The following PLA2G4C variants were observed in gnomAD, a reference collection of about 807,000 sequenced individuals.
PLA2G4C encodes the protein phospholipase A2 group IVC.
A neutral mutation model predicts 73.8 loss-of-function variants in PLA2G4C; 64 were observed. That is an observed-to-expected ratio of 0.87 (90% confidence interval 0.71 to 1.07). PLA2G4C has a LOEUF of 1.07. Ranked by LOEUF, PLA2G4C falls within the 50% of genes least tolerant of loss-of-function variation. The pLI is 0.00. For synonymous variants in PLA2G4C, 254 were observed against 252.1 expected (o/e 1.01, Z -0.07); for missense variants, 622 against 665.4 (o/e 0.93, Z 0.72).
At chr19:48,105,829 C>G in intron 2 of PLA2G4C, among the ~76,000 whole-genome samples, 1 of 55,976 alleles carries the variant, frequency 1.8e-5, no homozygotes, top group Non-Finnish European at 3.3e-5. Flanking sequence ...TCCCCTCCCT[C>G]CCTCCCTCCC....
At position 48,110,560 on chromosome 19, in the gene PLA2G4C, C is replaced by CTCCGGAATCCGGTGCGGAGGCTTGGGCT. The variant is rs1156240478; in HGVS notation, c.-107_-106insAGCCCAAGCCTCCGCACCGGATTCCGGA. The CTCCGGAATCCGGTGCGGAGGCTTGGGCT allele has an allele frequency of 6.8e-7, 1 of 1,475,630 alleles. No individual in the cohort carries two copies. Among genetic ancestry groups the CTCCGGAATCCGGTGCGGAGGCTTGGGCT allele is most frequent in the African/African-American group, 1.5e-5 (1 of 68,898 alleles). 91.4% of individuals were successfully genotyped at this position (1,475,630 alleles called of 1,614,324 possible). Reference sequence around the variant, plus strand: ...CCGGAATCCGGTGCGGAGGCTTGGGCTCCCTGCGCTTAGCGGTGTAGTCGC... The same window carrying CTCCGGAATCCGGTGCGGAGGCTTGGGCT: ...CCGGAATCCGGTGCGGAGGCTTGGGCTCCGGAATCCGGTGCGGAGGCTTGGGCTTCCCTGCGCTTAGCGGTGTAGTCGC... On this transcript the variant is annotated 5_prime_UTR_variant, in exon 1 of 17. Coordinates refer to ENST00000599921, the MANE Select transcript of PLA2G4C (RefSeq NM_003706.3).
At chr19:48,056,747 G>T (rs945848642) in intron 14 of PLA2G4C, among the ~76,000 whole-genome samples, 1 of 147,626 alleles carries the variant, frequency 6.8e-6, no homozygotes, top group Admixed American at 7.1e-5. Context: ...CAGGAGAATC[G>T]CTTGAACATG....
At chr19:48,106,002 C>CTT (rs2032220612) in intron 2 of PLA2G4C, among the ~76,000 whole-genome samples, 5 of 123,582 alleles carry the variant, frequency 4.0e-5, no homozygotes, top group Non-Finnish European at 8.3e-5. Context: ...TTCTCTTTCT[C>CTT]TCTCTCTTTT....
intron 4 of PLA2G4C, among the ~76,000 whole-genome samples, chr19:48,101,098 TAG>T (rs979595877): frequency 2.3e-5 from 3 of 132,354 alleles, no homozygotes; most frequent in African/African-American, 9.0e-5. Flanking sequence ...GTGTGTCACA[TAG>T]AGTCTATATA....
intron 12 of PLA2G4C, 76 bp from the exon 13 acceptor site, chr19:48,067,962 G>T: frequency 2.0e-6 from 2 of 1,007,006 alleles, no homozygotes; most frequent in Non-Finnish European, 3.2e-6. Flanking sequence ...AGTCATATGT[G>T]GAAGCCCTCA....
intron 1 of PLA2G4C, among the ~76,000 whole-genome samples, chr19:48,109,374 C>T (rs926192339): frequency 2.6e-5 from 4 of 151,908 alleles, no homozygotes; most frequent in Non-Finnish European, 4.4e-5. Context: ...TGGGCTCAAG[C>T]GAGCCTCTCA....
chr19:48,086,676 T>C (rs2030998855), intron 9 of PLA2G4C, among the ~76,000 whole-genome samples: 1 of 152,140 alleles, frequency 6.6e-6, no homozygotes, highest in Non-Finnish European at 1.5e-5. Context: ...GTGCTCCACC[T>C]GCTGGGTGGA....
intron 13 of PLA2G4C, among the ~76,000 whole-genome samples, chr19:48,066,958 GACAC>G (rs200703260): frequency 2.1e-3 from 307 of 143,906 alleles, no homozygotes; most frequent in South Asian, 3.1e-3. Context: ...AACAGAGCAA[GACAC>G]ACACACACAC....
chr19:48,079,524 C>A (rs2030399970), intron 10 of PLA2G4C, among the ~76,000 whole-genome samples: 1 of 152,144 alleles, frequency 6.6e-6, no homozygotes, highest in Non-Finnish European at 1.5e-5. Context: ...AATCAACTCA[C>A]AAATTCAATG....
intron 7 of PLA2G4C, among the ~76,000 whole-genome samples, chr19:48,090,797 G>C (rs560461817): frequency 6.6e-6 from 1 of 152,196 alleles, no homozygotes; most frequent in Admixed American, 6.5e-5. Flanking sequence ...TCAAGCTCTG[G>C]TCCATGCACA....
chr19:48,085,332 G>C (rs2030910242), intron 9 of PLA2G4C, among the ~76,000 whole-genome samples: 1 of 152,150 alleles, frequency 6.6e-6, no homozygotes, highest in Admixed American at 6.5e-5. Context: ...TTTGTCCTCA[G>C]GAACCTTCTA....
chr19:48,058,134 A>G (rs1568423421), intron 14 of PLA2G4C, among the ~76,000 whole-genome samples: 1 of 151,808 alleles, frequency 6.6e-6, no homozygotes. Context: ...TCCCATCTCT[A>G]CTAAAAATAC....
intron 7 of PLA2G4C, 188 bp from the exon 8 acceptor site, chr19:48,090,605 A>G: frequency 1.7e-6 from 1 of 604,908 alleles, no homozygotes; most frequent in South Asian, 1.9e-5. Context: ...GGCTGTTGGA[A>G]TAGAGCAGTA....
rs972646879 is a variant in PLA2G4C, at chr19:48,105,255, G to C, written c.120+78C>G. On this transcript the variant is annotated intron_variant, in intron 3 of 16. Coordinates refer to ENST00000599921, the MANE Select transcript of PLA2G4C (RefSeq NM_003706.3). Reference sequence around the variant, plus strand: ...ATATCCTTCGGTCCAGCTCTCCCTGGCTGAGTTGGGCCCTGGACACTGGGC... The same window carrying C: ...ATATCCTTCGGTCCAGCTCTCCCTGCCTGAGTTGGGCCCTGGACACTGGGC... 45 of 878,324 alleles carry C rather than the reference G, an allele frequency of 5.1e-5. No individual in the cohort carries two copies. In the East Asian group the frequency reaches 1.1e-3, roughly 21 times the overall value. The allele number at this position is 878,324 out of a possible 1,614,324, so 54.4% of individuals were successfully genotyped here. A position where few individuals can be genotyped will look rare whatever the true frequency, so the allele number is the denominator to read the frequency against.
intron 1 of PLA2G4C, 128 bp downstream of exon 1, chr19:48,110,359 T>A (rs559204360): frequency 0.011 from 6,499 of 594,302 alleles, 52 homozygotes; most frequent in Non-Finnish European, 0.012. Flanking sequence ...AAAAAATAAA[T>A]AAATAAATAA....
chr19:48,104,772 G>A (rs1338384290), intron 3 of PLA2G4C, 48 bp from the exon 4 acceptor site: 23 of 1,598,424 alleles, frequency 1.4e-5, no homozygotes, highest in Non-Finnish European at 1.9e-5. Flanking sequence ...CCTGAGGATG[G>A]AGGTGGGAAC....
In PLA2G4C at chr19:48,099,709, A is replaced by G. The variant is rs1015214920; in HGVS notation, c.409T>C (p.Phe137Leu). 6.2e-7 allele frequency: 1 copy of G among 1,613,988 alleles called. No homozygotes were observed. The highest frequency in any genetic ancestry group is 8.5e-7 in the Non-Finnish European group (1 of 1,180,022). ...TTAGAGATAACCATGTAGGCCCAGAAGTCGGTCAGAGAGTAATTCTCAGAC... is the reference window on the plus strand; with the variant it reads ...TTAGAGATAACCATGTAGGCCCAGAGGTCGGTCAGAGAGTAATTCTCAGAC... ...ARSENYSLTD[F>L]WAYMVISKQT... is the part of the protein sequence containing the mutation. The change falls in exon 5 of 17, where the codon TTC (phenylalanine) becomes CTC (leucine). Residue 137 changes from phenylalanine to leucine, a missense_variant. Coordinates refer to ENST00000599921, the MANE Select transcript of PLA2G4C (RefSeq NM_003706.3).
chr19:48,087,263 C>G (rs567800669), intron 9 of PLA2G4C, among the ~76,000 whole-genome samples: 1 of 152,280 alleles, frequency 6.6e-6, no homozygotes, highest in East Asian at 1.9e-4. Context: ...ACAGCTCTAA[C>G]CCAACCATCA....
At chr19:48,050,269 C>T (rs1967675255) in intron 16 of PLA2G4C, among the ~76,000 whole-genome samples, 1 of 152,156 alleles carries the variant, frequency 6.6e-6, no homozygotes, top group Admixed American at 6.5e-5. Flanking sequence ...TACAACCCCT[C>T]ATTAGAAGAC....
Sources: gnomAD v4.1 joint callset for allele counts (sites outside exome capture counted in the v4.1 genomes callset) on GRCh38, gnomAD v4.1.1 for gene constraint, MANE v1.5 for transcripts, NCBI Gene and HGNC (gene_info 2026-07-23, HGNC 2026-07-21) for gene names.